The following BFSP1 variants were observed in gnomAD, a reference collection of about 807,000 sequenced individuals.
BFSP1 encodes beaded filament structural protein 1.
A neutral mutation model predicts 43.9 loss-of-function variants in BFSP1; 38 were observed. The ratio of observed to expected loss-of-function variants is 0.87; its 90% confidence interval spans 0.67 to 1.14. BFSP1 has a LOEUF of 1.14. Among genes scored for constraint, BFSP1 ranks in the 50% most tolerant of loss-of-function variants. BFSP1 has a pLI of 0.00. For synonymous variants in BFSP1, 352 were observed against 354.8 expected (o/e 0.99, Z 0.09); for missense variants, 850 against 875.1 (o/e 0.97, Z 0.36).
chr20:17,500,627 C>A (rs990533629), intron 5 of BFSP1, among the ~76,000 whole-genome samples: 6 of 152,172 alleles, frequency 3.9e-5, no homozygotes, highest in African/African-American at 1.4e-4. Flanking sequence ...CACTTTTTCT[C>A]ATTATTTTGG....
intron 1 of BFSP1, among the ~76,000 whole-genome samples, chr20:17,528,996 C>T (rs568734885): frequency 2.6e-5 from 4 of 152,046 alleles, no homozygotes; most frequent in African/African-American, 9.7e-5. Context: ...AGGGTAGAGC[C>T]TAGACATCTG....
At position 17,508,517 on chromosome 20, in the gene BFSP1, G is replaced by C. The variant is rs953330977; in HGVS notation, c.735+372C>G. Among the ~76,000 whole-genome samples the C allele has an allele frequency of 7.2e-5, 11 of 152,166 alleles. 1 individual carries two copies. The highest frequency in any genetic ancestry group is 1.5e-5 in the Non-Finnish European group (1 of 68,026). On this transcript the variant is annotated intron_variant, in intron 5 of 7. Coordinates refer to ENST00000377873, the MANE Select transcript of BFSP1 (RefSeq NM_001195.5). ...GAGGATAAAAATCCCTATGGTGTCC[G>C]TTTCTTCTTATTCTTACGAAGCTTG...
intron 2 of BFSP1, among the ~76,000 whole-genome samples, chr20:17,521,897 A>G (rs1323391380): frequency 6.6e-6 from 1 of 152,100 alleles, no homozygotes; most frequent in Non-Finnish European, 1.5e-5. Context: ...AACCATCACT[A>G]TGAGGGGTGG....
chr20:17,521,204 A>G (rs1020862267), intron 2 of BFSP1, among the ~76,000 whole-genome samples: 1 of 152,190 alleles, frequency 6.6e-6, no homozygotes, highest in Non-Finnish European at 1.5e-5. Flanking sequence ...AAGTTGAATA[A>G]CTTTGGCCAT....
rs1483248336 is a variant in BFSP1, at chr20:17,498,812, A to ACGCT, written c.956+4_956+7dup. On this transcript the variant is annotated splice_region_variant and intron_variant, in intron 6 of 7. Coordinates refer to ENST00000377873, the MANE Select transcript of BFSP1 (RefSeq NM_001195.5). ...TAAGTGGCCTGGATGGGGAGGGCAC[A>ACGCT]CGCTCACCTGTTGCCTTCAATCTCG... 1 of 1,611,360 alleles carries ACGCT rather than the reference A, an allele frequency of 6.2e-7. No individual in the cohort carries two copies. The highest frequency in any genetic ancestry group is 8.5e-7 in the Non-Finnish European group (1 of 1,179,548).
intron 1 of BFSP1, among the ~76,000 whole-genome samples, chr20:17,529,355 C>T (rs986613316): frequency 2.0e-5 from 3 of 152,162 alleles, no homozygotes; most frequent in Non-Finnish European, 4.4e-5. Context: ...GGATTACAGG[C>T]GTGAGCCACT....
chr20:17,512,055 A>C lies in BFSP1; in HGVS notation c.548T>G (p.Val183Gly). ...CTGCAGGATGCTGATATAGGTCTGA[A>C]CTTCCAGAAGATTCTGTTGGGGGAG... The part of the protein sequence containing the change: ...KDRHKKNLLE[V>G]QTYISILQQI... The change falls in exon 4 of 8, where the codon GTT becomes GGT. Residue 183 changes from valine to glycine, a missense_variant. Physicochemically the swap from Val to Gly is moderately radical, Grantham distance 109. Transcript: ENST00000377873. The C allele has an allele frequency of 6.2e-7, 1 of 1,607,602 alleles. No individual in the cohort carries two copies. The highest frequency in any genetic ancestry group is 8.5e-7 in the Non-Finnish European group (1 of 1,174,120).
At chr20:17,508,002 T>C (rs953709524) in intron 5 of BFSP1, among the ~76,000 whole-genome samples, 2 of 152,230 alleles carry the variant, frequency 1.3e-5, no homozygotes, top group Admixed American at 6.5e-5. Context: ...CTACATCTAG[T>C]TGTGGCTTCA....
At chr20:17,500,610 G>C (rs2033773203) in intron 5 of BFSP1, among the ~76,000 whole-genome samples, 1 of 152,108 alleles carries the variant, frequency 6.6e-6, no homozygotes, top group Non-Finnish European at 1.5e-5. Context: ...ATGTATTTAC[G>C]ATACTACACT....
chr20:17,520,212 C>T (rs376161886), intron 2 of BFSP1, among the ~76,000 whole-genome samples: 1 of 136,612 alleles, frequency 7.3e-6, no homozygotes, highest in Non-Finnish European at 1.5e-5. Context: ...TTTAACGTGC[C>T]CCCCCACCCC....
intron 1 of BFSP1, chr20:17,541,254 A>G: frequency 3.1e-6 from 3 of 982,802 alleles, no homozygotes; most frequent in Non-Finnish European, 2.4e-6. Context: ...AATAAAAGAT[A>G]AAGTTTTTGC....
chr20:17,564,363 TAAAAA>T (rs11087214), intron 1 of BFSP1, among the ~76,000 whole-genome samples: 2 of 137,132 alleles, frequency 1.5e-5, no homozygotes, highest in East Asian at 2.1e-4. Context: ...AGAACCTGGC[TAAAAA>T]AAAAAAAAAA....
upstream of BFSP1, among the ~76,000 whole-genome samples, chr20:17,534,995 T>C (rs2123547302): frequency 6.6e-6 from 1 of 152,174 alleles, no homozygotes; most frequent in South Asian, 2.1e-4. Flanking sequence ...CACTCCAACC[T>C]AGGTGACAGA....
chr20:17,557,626 T>G (rs1211843544), intron 1 of BFSP1, among the ~76,000 whole-genome samples: 1 of 152,252 alleles, frequency 6.6e-6, no homozygotes, highest in Non-Finnish European at 1.5e-5. Context: ...GTCTCTTGCC[T>G]GGGACCTTCA....
chr20:17,567,963 AAAAG>A (rs576026829), intron 1 of BFSP1, among the ~76,000 whole-genome samples: 57 of 152,204 alleles, frequency 3.7e-4, no homozygotes, highest in African/African-American at 8.7e-4. Flanking sequence ...GAAAAAAAAA[AAAAG>A]AAGGAACTAC....
At position 17,531,216 on chromosome 20, in the gene BFSP1, T is replaced by G. The variant is rs2123537229; in HGVS notation, c.114A>C (p.Ala38=). ...GCCCCTGCAGCGCCGCCAGGCTCGT[T>G]GCCCCAGCCCAGCCCTCGTCGGCCG... is the stretch of plus-strand genomic sequence containing the variant. The part of the protein sequence containing the change: ...ERPADEGWAG[A]TSLAALQGLG... The change falls in exon 1 of 8, where the codon GCA becomes GCC. Residue 38 remains alanine (A), a synonymous_variant. Transcript: ENST00000377873. 10 of 1,332,446 alleles carry G rather than the reference T, an allele frequency of 7.5e-6. No homozygotes were observed. Among genetic ancestry groups the G allele is most frequent in the Non-Finnish European group, 9.6e-6 (10 of 1,042,392 alleles). The allele number at this position is 1,332,446 out of a possible 1,614,324, so 82.5% of individuals were successfully genotyped here.
chr20:17,550,632 C>T (rs2034881465), intron 1 of BFSP1, among the ~76,000 whole-genome samples: 1 of 151,880 alleles, frequency 6.6e-6, no homozygotes, highest in African/African-American at 2.4e-5. Context: ...ACCACCACAC[C>T]CGGCTAATTT....
At chr20:17,529,747 T>A (rs2034494064) in intron 1 of BFSP1, among the ~76,000 whole-genome samples, 1 of 152,136 alleles carries the variant, frequency 6.6e-6, no homozygotes, top group South Asian at 2.1e-4. Context: ...GGCATGCCAT[T>A]GCACACCTGC....
chr20:17,551,343 A>T (rs939953488), intron 1 of BFSP1, among the ~76,000 whole-genome samples: 6 of 152,096 alleles, frequency 3.9e-5, no homozygotes, highest in African/African-American at 1.4e-4. Flanking sequence ...CACACTTTTA[A>T]ATGACCAGAT....
Sources: allele counts gnomAD v4.1 joint callset (sites outside exome capture counted in the v4.1 genomes callset), GRCh38; gene constraint gnomAD v4.1.1; transcripts MANE v1.5; gene names NCBI Gene and HGNC (gene_info 2026-07-23, HGNC 2026-07-21).